HERC4: variants seen among roughly 807,000 people sequenced by gnomAD.
HERC4 encodes the protein probable E3 ubiquitin-protein ligase HERC4.
Under a neutral mutation model 124.3 loss-of-function variants are expected in HERC4, and 28 were observed. The ratio of observed to expected loss-of-function variants is 0.23; its 90% CI spans 0.17 to 0.31. The LOEUF is 0.31. HERC4 is among the 10% of genes least tolerant of loss of function. HERC4 has a pLI of 1.00. For synonymous variants in HERC4, 407 were observed against 421.5 expected (o/e 0.97, Z 0.42); for missense variants, 713 against 1,229.3 (o/e 0.58, Z 6.28).
chr10:67,997,153 TGAAA>T (rs1211121240), intron 9 of HERC4, among the ~76,000 whole-genome samples: 2 of 152,172 alleles, frequency 1.3e-5, no homozygotes, highest in Non-Finnish European at 2.9e-5. Flanking sequence ...TACCTGAGTC[TGAAA>T]GAAGCTATAA....
At chr10:67,926,466 A>G (rs1051424822) in intron 23 of HERC4, among the ~76,000 whole-genome samples, 3 of 152,030 alleles carry the variant, frequency 2.0e-5, no homozygotes, top group African/African-American at 7.2e-5. Context: ...AGCAGGTAGG[A>G]AGTAGAGAGG....
At chr10:68,064,886 C>T (rs12764436) in intron 3 of HERC4, among the ~76,000 whole-genome samples, 14,886 of 151,216 alleles carry the variant, frequency 0.098, 813 homozygotes, top group South Asian at 0.15. Context: ...ACAGGAGAAT[C>T]GCTTGAATCC....
Position 68,016,915 on chromosome 10 carries a change from A to G in HERC4, c.909-2729T>C, listed in dbSNP as rs537158303. 2.4e-3 allele frequency among the ~76,000 whole-genome samples: 363 copies of G among 152,194 alleles called. 12 individuals carry two copies. The highest frequency in any genetic ancestry group is 7.3e-4 in the Non-Finnish European group (50 of 68,030). ...TGGCTACTAAGAATTACAAAACTGG[A>G]TAACATTAAATCATTTGTGATACTT... On this transcript the variant is annotated intron_variant, in intron 8 of 24. Coordinates refer to ENST00000373700, the MANE Select transcript of HERC4 (RefSeq NM_015601.4).
intron 9 of HERC4, among the ~76,000 whole-genome samples, chr10:68,000,565 C>T (rs1368163229): frequency 7.2e-6 from 1 of 139,668 alleles, no homozygotes; most frequent in African/African-American, 2.5e-5. Flanking sequence ...GGCGACAGAG[C>T]CAGACTGTCT....
rs55984730 is a variant in HERC4, at chr10:68,027,990, T to TTATA, written c.778-2318_778-2315dup. On this transcript the variant is annotated intron_variant, in intron 7 of 24. Coordinates refer to ENST00000373700, the MANE Select transcript of HERC4 (RefSeq NM_015601.4). ...ATATATATATTTATTATATTTTTAATTATATATATATATATATAATAAAAA... is the reference window on the plus strand; with the variant it reads ...ATATATATATTTATTATATTTTTAATTATATATATATATATATATATAATAAAAA... Among the ~76,000 whole-genome samples, 395 of 144,572 alleles carry TTATA rather than the reference T, an allele frequency of 2.7e-3. 2 individuals carry two copies. Among genetic ancestry groups the TTATA allele is most frequent in the African/African-American group, 7.6e-3 (300 of 39,506 alleles). 94.8% of individuals were successfully genotyped at this position (144,572 alleles called of 152,430 possible).
At chr10:67,937,004 G>A (rs1047764140) in intron 21 of HERC4, among the ~76,000 whole-genome samples, 2 of 151,956 alleles carry the variant, frequency 1.3e-5, no homozygotes, top group Non-Finnish European at 2.9e-5. Context: ...AGATCATAGA[G>A]GAATGCAAAC....
At chr10:68,039,010 G>A (rs183957353) in intron 4 of HERC4, among the ~76,000 whole-genome samples, 177 of 152,034 alleles carry the variant, frequency 1.2e-3, no homozygotes, top group African/African-American at 4.0e-3. Flanking sequence ...AGAAAAAAAG[G>A]GGGGATGCCA....
At chr10:67,953,470 G>T (rs1008187624) in intron 19 of HERC4, among the ~76,000 whole-genome samples, 2 of 152,180 alleles carry the variant, frequency 1.3e-5, no homozygotes, top group Admixed American at 6.5e-5. Context: ...TTCTGTCATA[G>T]TAAGTACACA....
chr10:68,051,117 CAAAG>C (rs1424315428), intron 3 of HERC4, among the ~76,000 whole-genome samples: 1 of 117,630 alleles, frequency 8.5e-6, no homozygotes. Flanking sequence ...AAAAAAAAAA[CAAAG>C]AAAAAACTTG....
intron 8 of HERC4, among the ~76,000 whole-genome samples, chr10:68,022,452 T>A (rs1295143328): frequency 2.6e-5 from 4 of 151,782 alleles, no homozygotes; most frequent in African/African-American, 9.7e-5. Flanking sequence ...TGAGCCAAGA[T>A]CATGCCATTG....
chr10:67,925,485 T>C (rs560519637), intron 23 of HERC4, among the ~76,000 whole-genome samples: 4 of 152,320 alleles, frequency 2.6e-5, no homozygotes, highest in South Asian at 4.1e-4. Flanking sequence ...AAGTCTGACA[T>C]GGAATTATCT....
chr10:67,971,509 A>G (rs1328590728), intron 15 of HERC4, among the ~76,000 whole-genome samples: 2 of 152,148 alleles, frequency 1.3e-5, no homozygotes, highest in Non-Finnish European at 2.9e-5. Flanking sequence ...ATTTCACAAT[A>G]TTTCTAAAAA....
Position 67,932,666 on chromosome 10 carries a change from G to A in HERC4, c.2769C>T (p.Leu923=), listed in dbSNP as rs764045686. 2.5e-6 allele frequency: 4 copies of A among 1,608,976 alleles called. No homozygotes were observed. Among genetic ancestry groups the A allele is most frequent in the African/African-American group, 1.3e-5 (1 of 74,538 alleles). ...TTGCTTGTAGTTCATTAGGCTGAAA[G>A]AGCAGAAGGACTTTTCCTCCACAGA... The part of the protein sequence containing the change: ...HKVCGGKVLL[L]FQPNELQAMV... The change falls in exon 23 of 25, where the codon CTC becomes CTT. Residue 923 remains leucine (L), a synonymous_variant. Coordinates refer to ENST00000373700, the MANE Select transcript of HERC4 (RefSeq NM_015601.4).
intron 15 of HERC4, among the ~76,000 whole-genome samples, chr10:67,972,698 T>C (rs188538594): frequency 6.6e-6 from 1 of 152,248 alleles, no homozygotes; most frequent in East Asian, 1.9e-4. Context: ...TGCAAGATCC[T>C]TGAAAACTAC....
At chr10:67,978,871 C>T (rs2035757570) in intron 15 of HERC4, among the ~76,000 whole-genome samples, 1 of 152,220 alleles carries the variant, frequency 6.6e-6, no homozygotes, top group Non-Finnish European at 1.5e-5. Flanking sequence ...CTAAGACCAT[C>T]AAGGCAGTAC....
chr10:68,059,496 TTATA>T (rs1445977010), intron 3 of HERC4, among the ~76,000 whole-genome samples: 1 of 127,684 alleles, frequency 7.8e-6, no homozygotes, highest in Non-Finnish European at 1.6e-5. Flanking sequence ...TATTATAACA[TTATA>T]TATTATAATA....
chr10:67,932,044 G>A (rs187568261), intron 23 of HERC4, among the ~76,000 whole-genome samples: 129 of 152,100 alleles, frequency 8.5e-4, no homozygotes, highest in African/African-American at 3.0e-3. Flanking sequence ...TGCAACCTCC[G>A]CCTCCCAGGT....
At chr10:68,032,173 C>G (rs1379048127) in intron 7 of HERC4, among the ~76,000 whole-genome samples, 6 of 152,168 alleles carry the variant, frequency 3.9e-5, no homozygotes, top group Non-Finnish European at 8.8e-5. Context: ...AAATAATTAT[C>G]TGGTAAAGGT....
At chr10:68,010,592 G>C (rs2037885651) in intron 9 of HERC4, 17 of 1,236,282 alleles carry the variant, frequency 1.4e-5, no homozygotes, top group Non-Finnish European at 2.0e-5. Context: ...TTCTCTTTCA[G>C]GCCTGCACGA....
Sources: gnomAD v4.1 joint callset for allele counts (sites outside exome capture counted in the v4.1 genomes callset) on GRCh38, gnomAD v4.1.1 for gene constraint, MANE v1.5 for transcripts, NCBI Gene and HGNC (gene_info 2026-07-23, HGNC 2026-07-21) for gene names.